DCLK1: variants seen among roughly 807,000 people sequenced by gnomAD.
DCLK1 encodes the protein serine/threonine-protein kinase DCLK1.
DCLK1 carries 16 observed loss-of-function variants against 86.2 expected under a neutral mutation model. The ratio of observed to expected loss-of-function variants is 0.19; its 90% CI spans 0.13 to 0.28. The LOEUF is 0.28. DCLK1 is among the 10% of genes least tolerant of loss of function. The pLI is 1.00. For missense variants in DCLK1, 590 were observed against 940.2 expected (o/e 0.63, Z 4.87); for synonymous variants, 369 against 370.5 (o/e 1.00, Z 0.05).
At chr13:35,938,641 C>T (rs577896642) in intron 4 of DCLK1, among the ~76,000 whole-genome samples, 1 of 151,054 alleles carries the variant, frequency 6.6e-6, no homozygotes, top group Non-Finnish European at 1.5e-5. Context: ...AAAAAAAAAG[C>T]CCTAGCGGAC....
chr13:36,019,657 G>T (rs967995385), intron 3 of DCLK1, among the ~76,000 whole-genome samples: 1 of 152,116 alleles, frequency 6.6e-6, no homozygotes, highest in Non-Finnish European at 1.5e-5. Flanking sequence ...TAGATTAGAG[G>T]TGTACTATGC....
intron 3 of DCLK1, among the ~76,000 whole-genome samples, chr13:36,037,911 A>G (rs1316026676): frequency 3.3e-5 from 5 of 152,146 alleles, no homozygotes; most frequent in Non-Finnish European, 5.9e-5. Context: ...TAAAAAAAGA[A>G]CTTCCAAGGT....
rs1415765093 is a variant in DCLK1, at chr13:35,980,240, G to A, written c.724-32783C>T. On this transcript the variant is annotated intron_variant, in intron 3 of 16. Coordinates refer to ENST00000360631, the MANE Select transcript of DCLK1 (RefSeq NM_001330071.2). ...GGAGGCCAAGGCGGGAGGATTGCTT[G>A]AGCTCAGGAGTTTGAGACCAGCCTG... Among the ~76,000 whole-genome samples the A allele has an allele frequency of 4.6e-5, 7 of 152,276 alleles. No homozygotes were observed. In the South Asian group the frequency reaches 1.0e-3, roughly 23 times the overall value.
At chr13:35,885,001 T>C (rs1229050404) in intron 4 of DCLK1, among the ~76,000 whole-genome samples, 1 of 152,146 alleles carries the variant, frequency 6.6e-6, no homozygotes, top group Non-Finnish European at 1.5e-5. Flanking sequence ...GTTCAGGTCA[T>C]CACCAGGTCA....
At chr13:36,042,393 T>C (rs561376059) in intron 3 of DCLK1, among the ~76,000 whole-genome samples, 4 of 152,158 alleles carry the variant, frequency 2.6e-5, no homozygotes, top group Non-Finnish European at 5.9e-5. Flanking sequence ...GTGGCTAAAT[T>C]TGAAACCACC....
chr13:35,988,126 T>C (rs867043997), intron 3 of DCLK1, among the ~76,000 whole-genome samples: 68 of 152,216 alleles, frequency 4.5e-4, no homozygotes, highest in African/African-American at 1.6e-3. Context: ...CCAGCCCCAC[T>C]GTTTCCTCCC....
rs77466719 is a variant in DCLK1, at chr13:35,907,322, C to G, written c.824-35982G>C. On this transcript the variant is annotated intron_variant, in intron 4 of 16. Transcript: ENST00000360631. ...GGACAACAGGTGTGCTCTGCCACACCTGGCTAATTTAAATTTTTTTTGTAG... is the reference window on the plus strand; with the variant it reads ...GGACAACAGGTGTGCTCTGCCACACGTGGCTAATTTAAATTTTTTTTGTAG... Among the ~76,000 whole-genome samples the G allele has an allele frequency of 3.9e-4, 60 of 152,194 alleles. No individual in the cohort carries two copies. In the East Asian group the frequency reaches 8.5e-3, roughly 22 times the overall value.
intron 3 of DCLK1, among the ~76,000 whole-genome samples, chr13:36,015,303 T>C (rs1476794631): frequency 6.6e-6 from 1 of 152,150 alleles, no homozygotes; most frequent in African/African-American, 2.4e-5. Flanking sequence ...TCCTTCCTTA[T>C]TGACAAGCCT....
rs570399144 is a variant in DCLK1 at position 35,947,851 on chromosome 13, G to A, written c.724-394C>T. Among the ~76,000 whole-genome samples, 10 of 152,218 alleles carry A rather than the reference G, an allele frequency of 6.6e-5. No homozygotes were observed. In the East Asian group the frequency reaches 7.7e-4, roughly 12 times the overall value. ...ACAAATATGTTTAGTAATTGATGCT[G>A]TCATATACACACGATAATCACCAAA... On this transcript the variant is annotated intron_variant, in intron 3 of 16. Coordinates refer to ENST00000360631, the MANE Select transcript of DCLK1 (RefSeq NM_001330071.2).
chr13:35,849,378 A>C (rs1870442623), intron 6 of DCLK1: 1 of 985,268 alleles, frequency 1.0e-6, no homozygotes, highest in African/African-American at 1.7e-5. Context: ...AATCATGTAA[A>C]AGCCTCCAAA....
intron 2 of DCLK1, 136 bp from the exon 3 acceptor site, chr13:36,112,351 A>G (rs1020839454): frequency 2.4e-5 from 14 of 587,198 alleles, no homozygotes; most frequent in South Asian, 2.2e-4. Context: ...AGTGTGATTA[A>G]TAATTAGGGA....
At chr13:35,829,677 A>G (rs1036102700) in intron 8 of DCLK1, among the ~76,000 whole-genome samples, 2 of 152,208 alleles carry the variant, frequency 1.3e-5, no homozygotes, top group Non-Finnish European at 2.9e-5. Flanking sequence ...CGGCCTCAAA[A>G]AACAGTGAAC....
Position 35,851,985 on chromosome 13 carries a change from A to G in DCLK1, c.1035+2514T>C, listed in dbSNP as rs898796379. 3.6e-5 allele frequency among the ~76,000 whole-genome samples: 5 copies of G among 138,158 alleles called. No individual in the cohort carries two copies. In the East Asian group the frequency reaches 1.1e-3, roughly 30 times the overall value. The allele number at this position is 138,158 out of a possible 152,430, so 90.6% of individuals were successfully genotyped here. A position where few individuals can be genotyped will look rare whatever the true frequency, so the allele number is the denominator to read the frequency against. ...ATGGGGGCAAGGCGCGCGTGTGTGC[A>G]TGTGTGTGTATGTGTGTGTGTGTGT... On this transcript the variant is annotated intron_variant, in intron 6 of 16. Coordinates refer to ENST00000360631, the MANE Select transcript of DCLK1 (RefSeq NM_001330071.2).
rs184110688 is a variant in DCLK1, at chr13:35,905,152, C to T, written c.824-33812G>A. On this transcript the variant is annotated intron_variant, in intron 4 of 16. Transcript: ENST00000360631. ...CCTTGCTTGCGCCTGGCCTCCTGTC[C>T]TCAACTTATGTTACTGTGGCCTTAT... Among the ~76,000 whole-genome samples, 1,199 of 152,268 alleles carry T rather than the reference C, an allele frequency of 7.9e-3. 7 individuals are homozygous for T. Among genetic ancestry groups the T allele is most frequent in the Non-Finnish European group, 0.014 (926 of 68,020 alleles).
chr13:36,045,408 T>G (rs1882874575), intron 3 of DCLK1, among the ~76,000 whole-genome samples: 1 of 135,720 alleles, frequency 7.4e-6, no homozygotes, highest in Non-Finnish European at 1.6e-5. Flanking sequence ...TCAGTGAACT[T>G]TCCCCTAAGT....
At chr13:35,883,526 G>C (rs1873043048) in intron 4 of DCLK1, among the ~76,000 whole-genome samples, 1 of 152,110 alleles carries the variant, frequency 6.6e-6, no homozygotes, top group East Asian at 1.9e-4. Flanking sequence ...TGTGTAGTCT[G>C]CAGAACTGTG....
intron 3 of DCLK1, among the ~76,000 whole-genome samples, chr13:35,992,346 C>A (rs545247621): frequency 2.1e-4 from 32 of 152,208 alleles, no homozygotes; most frequent in African/African-American, 7.7e-4. Flanking sequence ...TACATCCAGG[C>A]TCACGTTTCA....
chr13:35,787,085 TTA>T (rs1432187880), intron 16 of DCLK1, among the ~76,000 whole-genome samples: 12 of 149,162 alleles, frequency 8.0e-5, no homozygotes, highest in South Asian at 2.1e-4. Flanking sequence ...TATATATATA[TTA>T]TATATATATA....
intron 2 of DCLK1, among the ~76,000 whole-genome samples, chr13:36,116,324 T>C (rs1159931293): frequency 2.6e-5 from 4 of 152,186 alleles, no homozygotes; most frequent in Non-Finnish European, 4.4e-5. Flanking sequence ...AGATTTATTA[T>C]TTTAAAAATC....
Sources: allele counts gnomAD v4.1 joint callset (sites outside exome capture counted in the v4.1 genomes callset), GRCh38; gene constraint gnomAD v4.1.1; transcripts MANE v1.5; gene names NCBI Gene and HGNC (gene_info 2026-07-23, HGNC 2026-07-21).